RBMS3: variants seen among roughly 807,000 people sequenced by gnomAD.
RBMS3 encodes RNA binding motif single stranded interacting protein 3.
In RBMS3, 27 loss-of-function variants were observed where a neutral mutation model predicts 66.8. The ratio of observed to expected loss-of-function variants is 0.40; its 90% CI spans 0.30 to 0.56. The LOEUF is 0.56. RBMS3 is among the 20% of genes least tolerant of loss of function. The pLI is 0.40. For missense variants in RBMS3, 513 were observed against 549.5 expected, an observed-to-expected ratio of 0.93 and a Z score of 0.66; for synonymous variants, 188 against 183.0, an observed-to-expected ratio of 1.03 and a Z score of -0.22.
chr3:29,792,343 T>A (rs35444762), intron 6 of RBMS3, among the ~76,000 whole-genome samples: 18,577 of 152,096 alleles, frequency 0.12, 1,303 homozygotes, highest in African/African-American at 0.17. Flanking sequence ...AGCAAAGGAG[T>A]TAAAATATGT....
intron 4 of RBMS3, among the ~76,000 whole-genome samples, chr3:29,659,389 C>T (rs745860529): frequency 3.2e-4 from 49 of 152,040 alleles, no homozygotes; most frequent in Non-Finnish European, 5.9e-4. Context: ...ATTCCCTATT[C>T]CCCCATTCCC....
At chr3:30,000,838 T>C (rs1394139861) in intron 14 of RBMS3, among the ~76,000 whole-genome samples, 1 of 151,836 alleles carries the variant, frequency 6.6e-6, no homozygotes, top group Non-Finnish European at 1.5e-5. Context: ...AGTTGAACAG[T>C]GAGAACATGG....
At chr3:29,508,120 G>A (rs757641856) in intron 3 of RBMS3, among the ~76,000 whole-genome samples, 2 of 151,968 alleles carry the variant, frequency 1.3e-5, no homozygotes, top group Admixed American at 6.6e-5. Context: ...AAGGCCTCTC[G>A]TCATCTGGCT....
intron 4 of RBMS3, among the ~76,000 whole-genome samples, chr3:29,644,383 T>C (rs2049839749): frequency 6.6e-6 from 1 of 152,204 alleles, no homozygotes; most frequent in Non-Finnish European, 1.5e-5. Flanking sequence ...GGGAGGTATA[T>C]GCCACTAGGG....
At chr3:29,801,265 TTTTTTTC>T (rs1296719245) in intron 6 of RBMS3, among the ~76,000 whole-genome samples, 1 of 107,412 alleles carries the variant, frequency 9.3e-6, no homozygotes, top group African/African-American at 3.4e-5. Context: ...GAATCATTGC[TTTTTTTC>T]TTTTTTTTTT....
chr3:29,437,825 C>A (rs1426821628), intron 2 of RBMS3, among the ~76,000 whole-genome samples: 1 of 152,136 alleles, frequency 6.6e-6, no homozygotes, highest in East Asian at 1.9e-4. Flanking sequence ...TTTCTTCATT[C>A]TAAAATTTTG....
chr3:29,836,183 C>G (rs984905478), intron 6 of RBMS3, among the ~76,000 whole-genome samples: 1 of 151,972 alleles, frequency 6.6e-6, no homozygotes, highest in African/African-American at 2.4e-5. Context: ...TTATATCAAA[C>G]ATTTCAAGAA....
chr3:29,559,879 A>G (rs577167617), intron 3 of RBMS3, among the ~76,000 whole-genome samples: 166 of 152,296 alleles, frequency 1.1e-3, no homozygotes, highest in African/African-American at 3.5e-3. Flanking sequence ...ACTTGTGTTT[A>G]CTTATGCTTC....
At chr3:29,880,590 T>C (rs900711479) in intron 7 of RBMS3, among the ~76,000 whole-genome samples, 2 of 152,296 alleles carry the variant, frequency 1.3e-5, no homozygotes, top group South Asian at 4.1e-4. Flanking sequence ...ATATTAGAAT[T>C]ATGACTCAAC....
intron 4 of RBMS3, among the ~76,000 whole-genome samples, chr3:29,729,120 C>A (rs1270860635): frequency 6.6e-6 from 1 of 151,818 alleles, no homozygotes; most frequent in South Asian, 2.1e-4. Context: ...TCTCCTAATG[C>A]TATCCCTCCC....
At chr3:29,992,748 A>C (rs1698969393) in intron 14 of RBMS3, among the ~76,000 whole-genome samples, 1 of 152,186 alleles carries the variant, frequency 6.6e-6, no homozygotes, top group Non-Finnish European at 1.5e-5. Context: ...GCTAACCTAA[A>C]TTGACAGGAT....
intron 1 of RBMS3, among the ~76,000 whole-genome samples, chr3:29,304,404 G>C (rs1575504612): frequency 1.3e-5 from 2 of 151,930 alleles, no homozygotes; most frequent in East Asian, 3.9e-4. Flanking sequence ...AAAAGCACTA[G>C]GAGACTATAT....
chr3:29,911,616 C>T (rs57009836), intron 10 of RBMS3, among the ~76,000 whole-genome samples: 3,551 of 152,042 alleles, frequency 0.023, 154 homozygotes, highest in African/African-American at 0.082. Flanking sequence ...GCTAATTAGT[C>T]CTAATTATCT....
chr3:29,283,194 C>G (rs985899059), intron 1 of RBMS3, among the ~76,000 whole-genome samples: 2 of 152,118 alleles, frequency 1.3e-5, no homozygotes, highest in African/African-American at 4.8e-5. Context: ...AAACAATAAA[C>G]TCAAAGGTTG....
intron 4 of RBMS3, among the ~76,000 whole-genome samples, chr3:29,714,320 G>A (rs1401131524): frequency 2.6e-5 from 4 of 152,174 alleles, no homozygotes; most frequent in African/African-American, 9.6e-5. Context: ...TCAAAGAGAG[G>A]AGTCAAGGAT....
intron 3 of RBMS3, among the ~76,000 whole-genome samples, chr3:29,553,767 TAAA>T (rs1479576285): frequency 7.1e-6 from 1 of 140,764 alleles, no homozygotes; most frequent in Non-Finnish European, 1.5e-5. Flanking sequence ...GAGAAAAACA[TAAA>T]ACAATTTTTA....
chr3:29,630,726 A>G (rs1395094266), intron 4 of RBMS3, among the ~76,000 whole-genome samples: 1 of 152,024 alleles, frequency 6.6e-6, no homozygotes, highest in Non-Finnish European at 1.5e-5. Context: ...GGAAATCTAT[A>G]TTTATAATTA....
At chr3:29,608,167 T>C (rs1451707814) in intron 4 of RBMS3, among the ~76,000 whole-genome samples, 2 of 151,894 alleles carry the variant, frequency 1.3e-5, no homozygotes, top group African/African-American at 4.8e-5. Flanking sequence ...GACATCATAT[T>C]ATTTCACCTA....
At chr3:29,342,037 A>G (rs1292967060) in intron 1 of RBMS3, among the ~76,000 whole-genome samples, 1 of 152,182 alleles carries the variant, frequency 6.6e-6, no homozygotes, top group African/African-American at 2.4e-5. Flanking sequence ...CCCTGGAGAT[A>G]CAGTTGGAGT....
Sources: gnomAD v4.1 joint callset for allele counts (sites outside exome capture counted in the v4.1 genomes callset) on GRCh38, gnomAD v4.1.1 for gene constraint, MANE v1.5 for transcripts, NCBI Gene and HGNC (gene_info 2026-07-23, HGNC 2026-07-21) for gene names.